The following LSAMP variants were observed in gnomAD, a reference collection of about 807,000 sequenced individuals.
LSAMP encodes limbic system associated membrane protein.
LSAMP carries 7 observed loss-of-function variants against 38.6 expected under a neutral mutation model. That is an observed-to-expected ratio of 0.18 (90% CI 0.10 to 0.34). The LOEUF (loss-of-function observed/expected upper bound fraction) is 0.34. Ranked by LOEUF, LSAMP falls within the 10% of genes least tolerant of loss-of-function variation. The probability of loss-of-function intolerance (pLI) is 1.00; values close to 1 mark genes in which losing one functional copy is unlikely to be tolerated. For synonymous variants in LSAMP, 154 were observed against 166.8 expected (o/e 0.92, Z 0.59); for missense variants, 313 against 420.0 (o/e 0.75, Z 2.23).
intron 1 of LSAMP, among the ~76,000 whole-genome samples, chr3:116,323,309 C>G (rs4831131): frequency 0.52 from 78,253 of 151,760 alleles, 23,187 homozygotes; most frequent in East Asian, 0.82. Flanking sequence ...TTTTTTTCCC[C>G]CAAACTATAT....
intron 1 of LSAMP, chr3:116,367,986 C>G (rs910204899): frequency 2.6e-5 from 4 of 152,156 alleles, no homozygotes; most frequent in Non-Finnish European, 5.9e-5. Flanking sequence ...CTACTGGTCT[C>G]TAAGCACAAA....
At chr3:116,321,593 T>C (rs2047707478) in intron 1 of LSAMP, among the ~76,000 whole-genome samples, 1 of 152,146 alleles carries the variant, frequency 6.6e-6, no homozygotes, top group Non-Finnish European at 1.5e-5. Flanking sequence ...GATGGATTAA[T>C]TGTCCAAGAT....
intron 3 of LSAMP, among the ~76,000 whole-genome samples, chr3:115,873,378 GAAA>G (rs61243191): frequency 8.4e-6 from 1 of 119,378 alleles, no homozygotes; most frequent in African/African-American, 3.0e-5. Context: ...GTGAGGCTCT[GAAA>G]AAAAAAAAAA....
chr3:116,060,342 C>G (rs1056398819), intron 2 of LSAMP, among the ~76,000 whole-genome samples: 4 of 152,026 alleles, frequency 2.6e-5, no homozygotes, highest in Non-Finnish European at 5.9e-5. Context: ...ACCAACTATT[C>G]GGTGAAATTT....
chr3:116,390,471 G>A (rs541146545), intron 1 of LSAMP, among the ~76,000 whole-genome samples: 1 of 152,228 alleles, frequency 6.6e-6, no homozygotes, highest in South Asian at 2.1e-4. Context: ...GAATAGTCAG[G>A]TATGAGAGCA....
At chr3:116,056,544 C>T (rs1488286244) in intron 2 of LSAMP, among the ~76,000 whole-genome samples, 1 of 152,082 alleles carries the variant, frequency 6.6e-6, no homozygotes, top group Non-Finnish European at 1.5e-5. Context: ...TATTATACAA[C>T]CATATAGTCA....
At chr3:116,108,050 T>C (rs963953481) in intron 1 of LSAMP, among the ~76,000 whole-genome samples, 72 of 151,978 alleles carry the variant, frequency 4.7e-4, no homozygotes, top group Non-Finnish European at 5.9e-4. Context: ...AAGCATGCTG[T>C]GGGATGGGAT....
intron 3 of LSAMP, among the ~76,000 whole-genome samples, chr3:115,893,029 C>G (rs1162937675): frequency 6.6e-6 from 1 of 151,756 alleles, no homozygotes; most frequent in Non-Finnish European, 1.5e-5. Flanking sequence ...ATAAAAATCT[C>G]AGCAAACTAA....
At chr3:116,342,475 A>G (rs1351657861) in intron 1 of LSAMP, among the ~76,000 whole-genome samples, 1 of 152,102 alleles carries the variant, frequency 6.6e-6, no homozygotes. Context: ...CATTTCTCAA[A>G]TGTATGAACA....
chr3:116,179,799 T>C (rs1461132), intron 1 of LSAMP, among the ~76,000 whole-genome samples: 127,813 of 152,128 alleles, frequency 0.84, 53,910 homozygotes, highest in South Asian at 0.91. Context: ...TGGGCAAGGA[T>C]AAAAATCCAA....
At position 115,953,173 on chromosome 3, in the gene LSAMP, A is replaced by G. The variant is rs529654402; in HGVS notation, c.514+66342T>C. Among the ~76,000 whole-genome samples the G allele has an allele frequency of 1.7e-3, 265 of 152,132 alleles. 2 individuals carry two copies. The highest frequency in any genetic ancestry group is 6.1e-3 in the African/African-American group (253 of 41,480). On this transcript the variant is annotated intron_variant, in intron 3 of 6. Transcript: ENST00000490035. ...TTTGCATCTCAGATGTCCTCATCTA[A>G]TTGCTGCCCATTTTTTCCACATGTA... is the stretch of plus-strand genomic sequence containing the variant.
intron 3 of LSAMP, among the ~76,000 whole-genome samples, chr3:115,978,547 A>G (rs1462086819): frequency 6.6e-6 from 1 of 152,142 alleles, no homozygotes; most frequent in African/African-American, 2.4e-5. Flanking sequence ...GATAGTGACA[A>G]ATTACAAGGA....
At chr3:116,232,149 T>C (rs1371345777) in intron 1 of LSAMP, among the ~76,000 whole-genome samples, 1 of 152,106 alleles carries the variant, frequency 6.6e-6, no homozygotes, top group African/African-American at 2.4e-5. Flanking sequence ...AATCAATAGC[T>C]CTCTGCATGG....
intron 3 of LSAMP, among the ~76,000 whole-genome samples, chr3:115,939,708 T>C (rs1026284941): frequency 2.0e-5 from 3 of 152,000 alleles, no homozygotes; most frequent in African/African-American, 7.2e-5. Context: ...GCACACACTA[T>C]TATACTTGAT....
At chr3:115,969,066 G>T (rs1054396563) in intron 3 of LSAMP, among the ~76,000 whole-genome samples, 2 of 152,126 alleles carry the variant, frequency 1.3e-5, no homozygotes, top group Non-Finnish European at 2.9e-5. Flanking sequence ...CACTGTCAGG[G>T]GTTGTGTCGC....
rs80143523 is a variant in LSAMP, at chr3:115,884,692, A to G, written c.515-32075T>C. On this transcript the variant is annotated intron_variant, in intron 3 of 6. Coordinates refer to ENST00000490035, the MANE Select transcript of LSAMP (RefSeq NM_002338.5). Reference sequence around the variant, plus strand: ...GCAAGGAATGCCAACAAGTTTACAAATACGAGCAGAAGTCATCTAAAATAA... The same window carrying G: ...GCAAGGAATGCCAACAAGTTTACAAGTACGAGCAGAAGTCATCTAAAATAA... 4.1e-3 allele frequency among the ~76,000 whole-genome samples: 626 copies of G among 152,158 alleles called. 9 individuals are homozygous for G. Among genetic ancestry groups the G allele is most frequent in the African/African-American group, 0.014 (589 of 41,554 alleles).
At chr3:116,425,252 C>A (rs2049179148) in intron 1 of LSAMP, among the ~76,000 whole-genome samples, 1 of 152,168 alleles carries the variant, frequency 6.6e-6, no homozygotes, top group Non-Finnish European at 1.5e-5. Context: ...TTTCACCATC[C>A]CCTATTTACT....
At chr3:116,249,340 C>G (rs974020714) in intron 1 of LSAMP, among the ~76,000 whole-genome samples, 4 of 151,890 alleles carry the variant, frequency 2.6e-5, no homozygotes, top group Admixed American at 2.0e-4. Context: ...CTGCCTTATC[C>G]TGGAAGCTAG....
chr3:116,429,467 G>T (rs556251108), intron 1 of LSAMP, among the ~76,000 whole-genome samples: 1 of 152,136 alleles, frequency 6.6e-6, no homozygotes, highest in Non-Finnish European at 1.5e-5. Flanking sequence ...CAGAAAACCA[G>T]AAATGCAAAT....
Sources: gnomAD v4.1 joint callset for allele counts (sites outside exome capture counted in the v4.1 genomes callset) on GRCh38, gnomAD v4.1.1 for gene constraint, MANE v1.5 for transcripts, NCBI Gene and HGNC (gene_info 2026-07-23, HGNC 2026-07-21) for gene names.